SETD2: variants seen among roughly 807,000 people sequenced by gnomAD.
The protein encoded by SETD2 is histone-lysine N-methyltransferase SETD2.
Under a neutral mutation model 242.1 loss-of-function variants are expected in SETD2, and 31 were observed. The observed-to-expected ratio is 0.13, with a 90% confidence interval of 0.10 to 0.17. SETD2 has a LOEUF of 0.17. Ranked by LOEUF, SETD2 falls within the 10% of genes least tolerant of loss-of-function variation. The pLI is 1.00. For missense variants in SETD2, 2,481 were observed against 3,046.3 expected (o/e 0.81, Z 4.37); for synonymous variants, 1,006 against 1,066.5 (o/e 0.94, Z 1.11).
Position 47,147,917 on chromosome 3 carries a change from CAAAAA to C in SETD2, c.71+15932_71+15936del, listed in dbSNP as rs547475994. 6.3e-4 allele frequency among the ~76,000 whole-genome samples: 33 copies of C among 52,148 alleles called. 1 individual carries two copies. Among genetic ancestry groups the C allele is most frequent in the South Asian group, 2.1e-3 (3 of 1,458 alleles). 34.2% of individuals were successfully genotyped at this position (52,148 alleles called of 152,430 possible). On this transcript the variant is annotated intron_variant, in intron 1 of 20. Coordinates refer to ENST00000409792, the MANE Select transcript of SETD2 (RefSeq NM_014159.7). ...TGGGCGACAGAGCAAGACTCTGTCT[CAAAAA>C]AAAAAAAAAAAAAAAAAGATATTTT...
chr3:47,065,717 T>G lies in SETD2; in HGVS notation c.6109+1353A>C, dbSNP rs755683177. On this transcript the variant is annotated intron_variant, in intron 13 of 20. Transcript: ENST00000409792. ...ACTCAAGAGGCTGAGGCAAGAGGAT[T>G]GCCTGAGCCCAGGAGTTCAAGGCTG... is the stretch of plus-strand genomic sequence containing the variant. Among the ~76,000 whole-genome samples the G allele has an allele frequency of 2.0e-4, 31 of 152,302 alleles. No homozygotes were observed. In the Middle Eastern group the frequency reaches 0.01, roughly 50 times the overall value.
intron 18 of SETD2, among the ~76,000 whole-genome samples, chr3:47,022,010 G>A (rs1267325523): frequency 6.6e-6 from 1 of 152,094 alleles, no homozygotes; most frequent in Non-Finnish European, 1.5e-5. Flanking sequence ...AGCTGGGCGT[G>A]GTGGCGCGTG....
chr3:47,157,559 T>C (rs2044154080), intron 1 of SETD2: 3 of 455,904 alleles, frequency 6.6e-6, no homozygotes, highest in African/African-American at 4.0e-5. Context: ...CTAGCTGACT[T>C]GTTCCATTCA....
Position 47,120,473 on chromosome 3 carries a change from T to C in SETD2, c.4163A>G (p.Asp1388Gly), listed in dbSNP as rs2107741959. The stretch of plus-strand genomic sequence containing the variant: ...ATTTTTTTCTAAGTTTTTTGAAAAA[T>C]CTTTCTTTTCATTCACAGCTAAAGT... ...KDTLAVNEKK[D>G]FSKNLEKNDI... The change falls in exon 3 of 21, where the codon GAT (aspartate) becomes GGT (glycine). Residue 1388 changes from aspartate (D) to glycine (G), a missense_variant. Coordinates refer to ENST00000409792, the MANE Select transcript of SETD2 (RefSeq NM_014159.7). 6.2e-7 allele frequency: 1 copy of C among 1,613,534 alleles called. No homozygotes were observed. Among genetic ancestry groups the C allele is most frequent in the Non-Finnish European group, 8.5e-7 (1 of 1,179,868 alleles).
At chr3:47,025,653 T>C (rs2038441299) in intron 18 of SETD2, among the ~76,000 whole-genome samples, 1 of 152,216 alleles carries the variant, frequency 6.6e-6, no homozygotes. Context: ...TTGTTCTTTC[T>C]TAAGCCTTTG....
intron 12 of SETD2, among the ~76,000 whole-genome samples, chr3:47,082,353 A>T (rs2041354121): frequency 6.6e-6 from 1 of 152,160 alleles, no homozygotes; most frequent in Non-Finnish European, 1.5e-5. Flanking sequence ...TTCTGTGTCC[A>T]TTTGTGTACT....
chr3:47,041,480 G>A, intron 17 of SETD2: 1 of 240,992 alleles, frequency 4.1e-6, no homozygotes, highest in South Asian at 3.7e-5. Context: ...GAAAGACTCT[G>A]TCTCTACAAA....
rs1445256311 is a variant in SETD2, at chr3:47,123,882, C to T, written c.754G>A (p.Ala252Thr). 24 of 1,551,914 alleles carry T rather than the reference C, an allele frequency of 1.5e-5. No homozygotes were observed. In the East Asian group the frequency reaches 5.9e-4, roughly 38 times the overall value. The stretch of plus-strand genomic sequence containing the variant: ...GATATAGTGTCCTGCTTAGTATCTG[C>T]TTCTAAAGATTCTGGTACAATTATA... Reference protein sequence around the residue: ...PIIIVPESLEADTKQDTISNS... With the variant: ...PIIIVPESLETDTKQDTISNS... The change falls in exon 3 of 21, where the codon GCA becomes ACA. Residue 252 changes from alanine (A) to threonine (T), a missense_variant. Ala to Thr is a moderately conservative substitution (Grantham distance 58, BLOSUM62 0). Transcript: ENST00000409792.
In SETD2 at chr3:47,067,113, T is replaced by C. The variant is rs149499141; in HGVS notation, c.6066A>G (p.Val2022=). ...LLDSWKDLKE[V]YRIPKKSQTE... is the part of the protein sequence containing the mutation. ...TTTGACTTTTCTTTGGAATTCGATA[T>C]ACCTCCTGCAAAAAATAAACCAGAG... Residue 2022 remains valine (V), a synonymous_variant, in exon 13 of 21, where the codon GTA becomes GTG. Coordinates refer to ENST00000409792, the MANE Select transcript of SETD2 (RefSeq NM_014159.7). 8.0e-5 allele frequency: 129 copies of C among 1,610,850 alleles called. No individual in the cohort carries two copies. In the African/African-American group the frequency reaches 1.3e-3, roughly 16 times the overall value.
chr3:47,025,273 T>C (rs910965594), intron 18 of SETD2, among the ~76,000 whole-genome samples: 2 of 152,186 alleles, frequency 1.3e-5, no homozygotes, highest in African/African-American at 4.8e-5. Context: ...TACTCACTTG[T>C]TTGCTAAACC....
chr3:47,117,704 GTAAATGTT>G (rs1425261256), intron 3 of SETD2, among the ~76,000 whole-genome samples: 1 of 152,172 alleles, frequency 6.6e-6, no homozygotes, highest in Non-Finnish European at 1.5e-5. Flanking sequence ...GAATAATCAG[GTAAATGTT>G]TAAGAGGGCT....
chr3:47,154,434 A>C (rs1217294652), intron 1 of SETD2, among the ~76,000 whole-genome samples: 1 of 151,984 alleles, frequency 6.6e-6, no homozygotes, highest in East Asian at 1.9e-4. Context: ...AAGAAAGATA[A>C]GCATATCTTA....
intron 1 of SETD2, among the ~76,000 whole-genome samples, chr3:47,161,426 T>C (rs929417109): frequency 2.6e-5 from 4 of 152,246 alleles, no homozygotes; most frequent in Admixed American, 2.0e-4. Flanking sequence ...TTCTCTCTCC[T>C]CTCTCTAGCA....
chr3:47,098,163 C>A (rs960061150), intron 8 of SETD2, 82 bp from the exon 9 acceptor site: 45 of 1,414,762 alleles, frequency 3.2e-5, no homozygotes, highest in Non-Finnish European at 4.1e-5. Context: ...AAAAGTCATA[C>A]CAGTCTAAAC....
intron 18 of SETD2, among the ~76,000 whole-genome samples, chr3:47,026,318 AG>A (rs2038475784): frequency 6.6e-6 from 1 of 152,232 alleles, no homozygotes; most frequent in South Asian, 2.1e-4. Flanking sequence ...GACACCGGAG[AG>A]GTTGTGGAAA....
At chr3:47,031,282 T>G (rs1424766967) in intron 18 of SETD2, among the ~76,000 whole-genome samples, 1 of 152,196 alleles carries the variant, frequency 6.6e-6, no homozygotes, top group African/African-American at 2.4e-5. Flanking sequence ...TCATAGTAGA[T>G]TCATCAATTG....
intron 1 of SETD2, among the ~76,000 whole-genome samples, chr3:47,155,124 C>CTAAGAGACA (rs1470611398): frequency 6.6e-6 from 1 of 151,302 alleles, no homozygotes; most frequent in Non-Finnish European, 1.5e-5. Context: ...TTGAAAAAGA[C>CTAAGAGACA]TAAGAGACAT....
intron 18 of SETD2, among the ~76,000 whole-genome samples, chr3:47,027,756 C>A (rs1412814277): frequency 1.3e-5 from 2 of 151,474 alleles, no homozygotes; most frequent in Non-Finnish European, 2.9e-5. Context: ...GTTTATTATA[C>A]CTCAATAAAG....
chr3:47,137,501 T>C (rs927884626), intron 1 of SETD2, among the ~76,000 whole-genome samples: 1 of 152,064 alleles, frequency 6.6e-6, no homozygotes, highest in African/African-American at 2.4e-5. Flanking sequence ...TTCCTAGTAT[T>C]TATTACTATA....
Sources: gnomAD v4.1 joint callset for allele counts (sites outside exome capture counted in the v4.1 genomes callset) on GRCh38, gnomAD v4.1.1 for gene constraint, MANE v1.5 for transcripts, NCBI Gene and HGNC (gene_info 2026-07-23, HGNC 2026-07-21) for gene names.